Variants in TOP2B observed in about 807,000 individuals in gnomAD.
TOP2B encodes the protein DNA topoisomerase 2-beta.
In TOP2B, 51 loss-of-function variants were observed where a neutral mutation model predicts 193.5. The observed-to-expected ratio is 0.26, with a 90% CI of 0.21 to 0.33. TOP2B has a LOEUF of 0.33. Among genes scored for constraint, TOP2B ranks in the 10% least tolerant of loss-of-function variants. The pLI is 1.00. For missense variants in TOP2B, 1,378 were observed against 1,909.3 expected (o/e 0.72, Z 5.19); for synonymous variants, 634 against 635.7 (o/e 1.00, Z 0.04).
chr3:25,616,936 T>A (rs1702520493), intron 25 of TOP2B, among the ~76,000 whole-genome samples: 1 of 152,070 alleles, frequency 6.6e-6, no homozygotes. Context: ...CATTATGCTT[T>A]ACAAAAAACT....
chr3:25,663,258 T>C (rs966230923), intron 1 of TOP2B, among the ~76,000 whole-genome samples: 3 of 151,986 alleles, frequency 2.0e-5, no homozygotes, highest in Non-Finnish European at 2.9e-5. Context: ...ACGAACTAAG[T>C]AACAAAAATG....
intron 25 of TOP2B, 69 bp from the exon 26 acceptor site, chr3:25,615,655 T>TA: frequency 8.1e-7 from 1 of 1,227,038 alleles, no homozygotes; most frequent in Non-Finnish European, 1.0e-6. Context: ...TTTTATTGAA[T>TA]AATTAGTTTA....
chr3:25,642,313 T>A lies in TOP2B; in HGVS notation c.395+9A>T, dbSNP rs1703287368. ...TTAGCATAAAAAATTAAACTTTAAA[T>A]ATACTTACGGATCAATAGAAACTTT... On this transcript the variant is annotated intron_variant, in intron 4 of 35. Transcript: ENST00000264331. 6.6e-7 allele frequency: 1 copy of A among 1,510,826 alleles called. No individual in the cohort carries two copies. Among genetic ancestry groups the A allele is most frequent in the African/African-American group, 1.4e-5 (1 of 71,882 alleles). The allele number at this position is 1,510,826 out of a possible 1,614,324, so 93.6% of individuals were successfully genotyped here.
intron 7 of TOP2B, 136 bp downstream of exon 7, chr3:25,635,800 C>G: frequency 1.5e-6 from 1 of 650,488 alleles, no homozygotes; most frequent in Non-Finnish European, 2.5e-6. Flanking sequence ...CCAAATGTAT[C>G]AATAATCACT....
rs745633495 is a variant in TOP2B at position 25,628,945 on chromosome 3, T to G, written c.1808A>C (p.Lys603Thr). ...EFITPIVKAS[K>T]NKQELSFYSI... ...GTAGAAGGAAAGTTCCTGCTTATTT[T>G]TGCTTGCCTTAAATTAATTAAAAAA... Residue 603 changes from lysine (K) to threonine (T), a missense_variant, in exon 15 of 36, where the codon AAA (lysine) becomes ACA (threonine). Physicochemically the swap from Lys to Thr is moderately conservative, Grantham distance 78 (BLOSUM62 -1). Around this residue, in one of 9 missense-constraint regions of TOP2B, gnomAD observed 379 missense variants for 615.1 expected, o/e 0.62. Coordinates refer to ENST00000264331, the MANE Select transcript of TOP2B (RefSeq NM_001330700.2). The G allele has an allele frequency of 1.9e-6, 3 of 1,597,646 alleles. No homozygotes were observed. The highest frequency in any genetic ancestry group is 2.7e-5 in the African/African-American group (2 of 73,848).
intron 27 of TOP2B, among the ~76,000 whole-genome samples, chr3:25,614,830 T>A (rs998758531): frequency 1.6e-4 from 24 of 152,056 alleles, no homozygotes; most frequent in Non-Finnish European, 3.2e-4. Context: ...TTGAAATGTC[T>A]GTTATAAATG....
intron 33 of TOP2B, among the ~76,000 whole-genome samples, chr3:25,603,082 T>C (rs1702148122): frequency 6.6e-6 from 1 of 152,152 alleles, no homozygotes; most frequent in South Asian, 2.1e-4. Flanking sequence ...CATGATAATC[T>C]AGCTTTTTGG....
intron 27 of TOP2B, among the ~76,000 whole-genome samples, chr3:25,614,656 T>C (rs1480903169): frequency 6.6e-6 from 1 of 152,056 alleles, no homozygotes; most frequent in Non-Finnish European, 1.5e-5. Context: ...TAAATGGTAT[T>C]TTACATTTTG....
chr3:25,625,620 C>G (rs557585162), intron 18 of TOP2B, among the ~76,000 whole-genome samples: 1 of 152,164 alleles, frequency 6.6e-6, no homozygotes, highest in Non-Finnish European at 1.5e-5. Flanking sequence ...TTAAGCTCAT[C>G]AGCTATCGTT....
chr3:25,623,574 C>A lies in TOP2B; in HGVS notation c.2668G>T (p.Ala890Ser), dbSNP rs774601517. ...GWACKLPNYD[A>S]REIVNNVRRM... The stretch of plus-strand genomic sequence containing the variant: ...CTGACATTGTTCACAATTTCCCTAG[C>A]ATCATAGTTGGGTAGTTTACAAGCC... Residue 890 changes from alanine (A) to serine (S), a missense_variant, in exon 21 of 36, where the codon GCT becomes TCT. Around this residue, in one of 9 missense-constraint regions of TOP2B, gnomAD observed 379 missense variants for 615.1 expected, o/e 0.62. Transcript: ENST00000264331. 1 of 1,613,900 alleles carries A rather than the reference C, an allele frequency of 6.2e-7. No homozygotes were observed. Among genetic ancestry groups the A allele is most frequent in the Non-Finnish European group, 8.5e-7 (1 of 1,179,864 alleles).
intron 1 of TOP2B, among the ~76,000 whole-genome samples, chr3:25,663,242 G>C (rs575473269): frequency 1.3e-5 from 2 of 152,206 alleles, no homozygotes; most frequent in Admixed American, 6.5e-5. Flanking sequence ...CCCAAACAAA[G>C]AGAAAACGAA....
chr3:25,637,964 A>G (rs1033076515), intron 5 of TOP2B, among the ~76,000 whole-genome samples: 2 of 151,984 alleles, frequency 1.3e-5, no homozygotes, highest in Non-Finnish European at 2.9e-5. Context: ...GTTCTAACAT[A>G]AAGTCAATGT....
At position 25,623,553 on chromosome 3, in the gene TOP2B, C is replaced by T; in HGVS notation, c.2689G>A (p.Val897Ile). Reference protein sequence around the residue: ...NYDAREIVNNVRRMLDGLDPH... With the variant: ...NYDAREIVNNIRRMLDGLDPH... The stretch of plus-strand genomic sequence containing the variant: ...TCCAGGCCATCTAGCATTCGTCTGA[C>T]ATTGTTCACAATTTCCCTAGCATCA... The change falls in exon 21 of 36, where the codon GTC becomes ATC. Residue 897 changes from valine to isoleucine, a missense_variant. Coordinates refer to ENST00000264331, the MANE Select transcript of TOP2B (RefSeq NM_001330700.2). 1 of 1,613,958 alleles carries T rather than the reference C, an allele frequency of 6.2e-7. No individual in the cohort carries two copies.
chr3:25,622,211 G>A (rs1002210518), intron 21 of TOP2B, among the ~76,000 whole-genome samples: 3 of 152,036 alleles, frequency 2.0e-5, no homozygotes, highest in African/African-American at 7.2e-5. Flanking sequence ...TAAGAACCAT[G>A]TATTGATCAA....
chr3:25,620,232 G>A (rs568573258), intron 22 of TOP2B, among the ~76,000 whole-genome samples, 170 bp from the exon 23 acceptor site: 1 of 151,626 alleles, frequency 6.6e-6, no homozygotes, highest in Non-Finnish European at 1.5e-5. Context: ...CAGGGATCTC[G>A]GTGGTGGGAA....
intron 2 of TOP2B, among the ~76,000 whole-genome samples, chr3:25,645,089 T>TG (rs1246148115): frequency 6.6e-6 from 1 of 151,986 alleles, no homozygotes; most frequent in Non-Finnish European, 1.5e-5. Context: ...GGATTACAGG[T>TG]GTGAGCCACT....
chr3:25,621,144 T>C (rs1311963174), intron 21 of TOP2B, among the ~76,000 whole-genome samples: 1 of 152,248 alleles, frequency 6.6e-6, no homozygotes, highest in Non-Finnish European at 1.5e-5. Context: ...TTTCATAGTC[T>C]GGACCCAATC....
At chr3:25,644,343 T>C (rs1327777677) in intron 2 of TOP2B, among the ~76,000 whole-genome samples, 1 of 152,152 alleles carries the variant, frequency 6.6e-6, no homozygotes, top group East Asian at 1.9e-4. Context: ...CAGTAAACAA[T>C]AGTCAGTGTA....
intron 15 of TOP2B, among the ~76,000 whole-genome samples, chr3:25,628,078 A>T (rs928135432): frequency 6.7e-6 from 1 of 150,320 alleles, no homozygotes; most frequent in Non-Finnish European, 1.5e-5. Flanking sequence ...TTAAAAAAAA[A>T]CGAAATAAAA....
Sources: allele counts gnomAD v4.1 joint callset (sites outside exome capture counted in the v4.1 genomes callset), GRCh38; gene constraint gnomAD v4.1.1; regional missense constraint gnomAD v4.1.1; transcripts MANE v1.5; gene names NCBI Gene and HGNC (gene_info 2026-07-23, HGNC 2026-07-21).